Variants in BCAS3 observed in about 807,000 individuals in gnomAD.
The protein encoded by BCAS3 is BCAS3 microtubule associated cell migration factor, also known as BCAS4/BCAS3 fusion.
BCAS3 carries 53 observed loss-of-function variants against 116.1 expected under a neutral mutation model. The ratio of observed to expected loss-of-function variants is 0.46; its 90% CI spans 0.37 to 0.57. The LOEUF (loss-of-function observed/expected upper bound fraction) is 0.57, where lower values mean the gene tolerates loss of function less well. Among genes scored for constraint, BCAS3 ranks in the 20% least tolerant of loss-of-function variants. BCAS3 has a pLI of 0.00. For synonymous variants in BCAS3, 391 were observed against 408.2 expected, an observed-to-expected ratio of 0.96 and a Z score of 0.51; for missense variants, 917 against 1,165.4, an observed-to-expected ratio of 0.79 and a Z score of 3.10.
At chr17:60,755,577 A>G (rs1164159424) in intron 6 of BCAS3, among the ~76,000 whole-genome samples, 1 of 152,000 alleles carries the variant, frequency 6.6e-6, no homozygotes, top group African/African-American at 2.4e-5. Context: ...TTATACACAC[A>G]CTCCATGTAC....
chr17:60,760,870 T>A (rs1334336247), intron 6 of BCAS3, among the ~76,000 whole-genome samples: 3 of 152,154 alleles, frequency 2.0e-5, no homozygotes, highest in South Asian at 2.1e-4. Context: ...CTTTTTGTTG[T>A]CCCAAATGCC....
intron 19 of BCAS3, among the ~76,000 whole-genome samples, chr17:61,053,281 C>G (rs138851058): frequency 6.6e-6 from 1 of 152,222 alleles, no homozygotes; most frequent in Non-Finnish European, 1.5e-5. Context: ...AACATTGAGA[C>G]TAGAAAGAGC....
intron 6 of BCAS3, among the ~76,000 whole-genome samples, chr17:60,781,261 C>T (rs1015284494): frequency 4.6e-5 from 7 of 151,694 alleles, no homozygotes; most frequent in Non-Finnish European, 7.4e-5. Flanking sequence ...TGAGCCGCTA[C>T]GCCCAGCTTT....
At chr17:61,096,381 G>A (rs990505029) in intron 22 of BCAS3, among the ~76,000 whole-genome samples, 3 of 151,770 alleles carry the variant, frequency 2.0e-5, no homozygotes, top group South Asian at 2.1e-4. Context: ...GTCAGACCTC[G>A]TCTCTACAAA....
intron 22 of BCAS3, among the ~76,000 whole-genome samples, chr17:61,329,449 T>C (rs2056057383): frequency 6.6e-6 from 1 of 151,014 alleles, no homozygotes; most frequent in Non-Finnish European, 1.5e-5. Flanking sequence ...CACGCCATTC[T>C]CCTGCCTCAG....
chr17:61,001,455 C>A lies in BCAS3; in HGVS notation c.1486+11220C>A, dbSNP rs550500961. 2.1e-3 allele frequency among the ~76,000 whole-genome samples: 327 copies of A among 152,276 alleles called. 4 individuals carry two copies. The highest frequency in any genetic ancestry group is 3.6e-3 in the Non-Finnish European group (242 of 67,988). ...CACACATTTCAGCCTTATATAGTTT[C>A]ACCTACTTAAGAGAATCAATGATAA... On this transcript the variant is annotated intron_variant, in intron 15 of 23. Transcript: ENST00000407086.
In BCAS3 at chr17:60,993,085, A is replaced by AAACC. The variant is rs2063631857; in HGVS notation, c.1486+2852_1486+2855dup. 6.6e-6 allele frequency among the ~76,000 whole-genome samples: 1 copy of AAACC among 152,194 alleles called. No individual in the cohort carries two copies. Among genetic ancestry groups the AAACC allele is most frequent in the Non-Finnish European group, 1.5e-5 (1 of 68,036 alleles). ...TCTTATTCTTGCTTCTTTATACAGC[A>AAACC]AACCACATAAGAGGTTTTTGTGTTA... On this transcript the variant is annotated intron_variant, in intron 15 of 23. Transcript: ENST00000407086. The surrounding 1 kb of genome is among the most constrained non-coding windows in gnomAD (Gnocchi z 4.2).
chr17:61,184,598 A>G (rs959617655), intron 22 of BCAS3, among the ~76,000 whole-genome samples: 39 of 152,292 alleles, frequency 2.6e-4, no homozygotes, highest in Middle Eastern at 3.4e-3. Context: ...TAATCATTCT[A>G]TTAATAGGAA....
intron 14 of BCAS3, among the ~76,000 whole-genome samples, chr17:60,951,446 CAA>C (rs2060826035): frequency 2.0e-5 from 3 of 152,036 alleles, no homozygotes; most frequent in Non-Finnish European, 4.4e-5. Context: ...ACAAAAACAT[CAA>C]AGTTACCTGA....
chr17:60,683,348 T>C (rs1170601768), intron 2 of BCAS3, among the ~76,000 whole-genome samples: 1 of 152,070 alleles, frequency 6.6e-6, no homozygotes, highest in Non-Finnish European at 1.5e-5. Context: ...CCTCCAAATA[T>C]GACTTAGAAG....
At chr17:60,835,017 T>C (rs925784211) in intron 7 of BCAS3, among the ~76,000 whole-genome samples, 3 of 151,946 alleles carry the variant, frequency 2.0e-5, no homozygotes, top group Non-Finnish European at 4.4e-5. Context: ...TTTTAATGTT[T>C]AATTTTTAAC....
intron 9 of BCAS3, among the ~76,000 whole-genome samples, chr17:60,888,232 A>C (rs2056870957): frequency 6.6e-6 from 1 of 152,228 alleles, no homozygotes; most frequent in Non-Finnish European, 1.5e-5. Context: ...CAAAAAATGA[A>C]ATGAAGAATT....
chr17:60,976,446 T>A (rs1006579669), intron 14 of BCAS3, among the ~76,000 whole-genome samples: 4,804 of 150,920 alleles, frequency 0.032, 251 homozygotes, highest in African/African-American at 0.11. Flanking sequence ...TATATATTTT[T>A]TTTTTAGTAT....
At chr17:60,764,198 A>T (rs2043848403) in intron 6 of BCAS3, among the ~76,000 whole-genome samples, 1 of 149,430 alleles carries the variant, frequency 6.7e-6, no homozygotes, top group African/African-American at 2.5e-5. Flanking sequence ...TATCTCCTTC[A>T]ATTCTGCTCT....
chr17:60,805,351 T>C (rs2048175060), intron 6 of BCAS3, among the ~76,000 whole-genome samples: 1 of 152,188 alleles, frequency 6.6e-6, no homozygotes, highest in Admixed American at 6.5e-5. Context: ...TTCTAAAAGA[T>C]AAGGTATCTT....
rs1335180154 is a variant in BCAS3, at chr17:61,366,044, GA to G, written c.2426-2282del. Reference sequence around the variant, plus strand: ...TGTAGTCCCAGCTACTCGGGAGGCTGAGACACGAGAATCGCCTGGACCCAGG... The same window carrying G: ...TGTAGTCCCAGCTACTCGGGAGGCTGGACACGAGAATCGCCTGGACCCAGG... On this transcript the variant is annotated intron_variant, in intron 22 of 23. Coordinates refer to ENST00000407086, the MANE Select transcript of BCAS3 (RefSeq NM_017679.5). This position sits in a 1 kb window ranked among gnomAD's most constrained non-coding sequence, Gnocchi z 4.5. 6.6e-6 allele frequency among the ~76,000 whole-genome samples: 1 copy of G among 151,906 alleles called. No homozygotes were observed. The highest frequency in any genetic ancestry group is 6.6e-5 in the Admixed American group (1 of 15,252).
At chr17:60,788,272 A>G (rs2046457542) in intron 6 of BCAS3, among the ~76,000 whole-genome samples, 1 of 152,186 alleles carries the variant, frequency 6.6e-6, no homozygotes, top group South Asian at 2.1e-4. Flanking sequence ...AGGTTCATAC[A>G]TGGCATTTAG....
chr17:60,984,623 T>A (rs1001988364), intron 14 of BCAS3, among the ~76,000 whole-genome samples: 1 of 152,132 alleles, frequency 6.6e-6, no homozygotes, highest in African/African-American at 2.4e-5. Flanking sequence ...ATCCTCTGTG[T>A]TACAAACAGT....
At chr17:61,163,585 G>T (rs2078297499) in intron 22 of BCAS3, among the ~76,000 whole-genome samples, 1 of 152,158 alleles carries the variant, frequency 6.6e-6, no homozygotes, top group South Asian at 2.1e-4. Context: ...CCAGGGCAGA[G>T]CTTCTCAGAG....
Sources: gnomAD v4.1 joint callset for allele counts (sites outside exome capture counted in the v4.1 genomes callset) on GRCh38, gnomAD v4.1.1 for gene constraint, Gnocchi (gnomAD v3.1) non-coding constraint, MANE v1.5 for transcripts, NCBI Gene and HGNC (gene_info 2026-07-23, HGNC 2026-07-21) for gene names.